Variants in YES1 observed in about 807,000 individuals in gnomAD.
YES1 encodes tyrosine-protein kinase Yes.
Under a neutral mutation model 70.4 loss-of-function variants are expected in YES1, and 39 were observed. The ratio of observed to expected loss-of-function variants is 0.55; its 90% CI spans 0.43 to 0.72. The LOEUF (loss-of-function observed/expected upper bound fraction) is 0.72, where lower values mean the gene tolerates loss of function less well. YES1 is among the 30% of genes least tolerant of loss of function. The pLI is 0.00. For synonymous variants in YES1, 198 were observed against 218.6 expected, an observed-to-expected ratio of 0.91 and a Z score of 0.83; for missense variants, 495 against 644.8, an observed-to-expected ratio of 0.77 and a Z score of 2.52.
chr18:779,765 CA>C (rs1285680566), intron 1 of YES1, among the ~76,000 whole-genome samples: 7 of 152,182 alleles, frequency 4.6e-5, no homozygotes, highest in Non-Finnish European at 8.8e-5. Flanking sequence ...TTTTGACCAG[CA>C]AATTACAGTA....
chr18:790,627 G>GA (rs1408789215), intron 1 of YES1, among the ~76,000 whole-genome samples: 1 of 152,138 alleles, frequency 6.6e-6, no homozygotes, highest in African/African-American at 2.4e-5. Flanking sequence ...GATTTGAAAA[G>GA]AAAGTGATAA....
intron 1 of YES1, among the ~76,000 whole-genome samples, chr18:786,744 G>C (rs901072876): frequency 6.6e-6 from 1 of 152,112 alleles, no homozygotes; most frequent in African/African-American, 2.4e-5. Context: ...TGCACATCAA[G>C]TTTTTATATG....
intron 6 of YES1, among the ~76,000 whole-genome samples, chr18:744,394 C>CTTT (rs397723072): frequency 1.4e-5 from 2 of 143,370 alleles, no homozygotes; most frequent in East Asian, 2.0e-4. Flanking sequence ...GAGATTTTTT[C>CTTT]TTTTTTTTTT....
chr18:803,752 C>A (rs888026985), intron 1 of YES1, among the ~76,000 whole-genome samples: 1 of 152,158 alleles, frequency 6.6e-6, no homozygotes, highest in African/African-American at 2.4e-5. Context: ...TACAGGTTCA[C>A]CCACCTCATA....
rs137948751 is a variant in YES1 at position 792,554 on chromosome 18, T to TCTCC, written c.-9+19559_-9+19560insGGAG. ...CTCTCTCTCTCTCTCTCTCTCTCTCTCCCTCTGTATATGTGTGTGTGTGTG... is the reference window on the plus strand; with the variant it reads ...CTCTCTCTCTCTCTCTCTCTCTCTCTCTCCCCCTCTGTATATGTGTGTGTGTGTG... On this transcript the variant is annotated intron_variant, in intron 1 of 11. Transcript: ENST00000314574. Among the ~76,000 whole-genome samples, 715 of 126,990 alleles carry TCTCC rather than the reference T, an allele frequency of 5.6e-3. 6 individuals are homozygous for TCTCC. The highest frequency in any genetic ancestry group is 0.012 in the South Asian group (48 of 4,096). The allele number at this position is 126,990 out of a possible 152,430, so 83.3% of individuals were successfully genotyped here. A position where few individuals can be genotyped will look rare whatever the true frequency, so the allele number is the denominator to read the frequency against.
At chr18:733,927 T>C (rs1361666365) in intron 10 of YES1, among the ~76,000 whole-genome samples, 1 of 152,160 alleles carries the variant, frequency 6.6e-6, no homozygotes, top group Non-Finnish European at 1.5e-5. Context: ...GTTCTTTAGA[T>C]ATTTAGACAA....
intron 2 of YES1, among the ~76,000 whole-genome samples, chr18:752,431 C>A (rs1397258118): frequency 6.6e-6 from 1 of 152,064 alleles, no homozygotes; most frequent in Non-Finnish European, 1.5e-5. Flanking sequence ...TTTTGACTCA[C>A]TGTAGCAACA....
chr18:745,242 T>C (rs2080265677), intron 6 of YES1, among the ~76,000 whole-genome samples: 1 of 152,298 alleles, frequency 6.6e-6, no homozygotes, highest in Non-Finnish European at 1.5e-5. Context: ...CTATAATTGC[T>C]ATAGGTTAAT....
intron 2 of YES1, among the ~76,000 whole-genome samples, chr18:754,311 T>C (rs2080378619): frequency 6.6e-6 from 1 of 152,174 alleles, no homozygotes; most frequent in South Asian, 2.1e-4. Flanking sequence ...ACTCAAAACT[T>C]CCAAGTCTCT....
intron 4 of YES1, 127 bp downstream of exon 4, chr18:747,787 CTATTAA>C: frequency 1.4e-6 from 1 of 708,928 alleles, no homozygotes; most frequent in Admixed American, 2.7e-5. Context: ...TAAGTAACAT[CTATTAA>C]TATGATACAT....
intron 11 of YES1, 125 bp downstream of exon 11, chr18:732,709 A>G (rs2080106787): frequency 8.0e-7 from 1 of 1,244,160 alleles, no homozygotes; most frequent in Non-Finnish European, 1.1e-6. Context: ...AGGAGTGGGG[A>G]GAGGGAGAGG....
intron 9 of YES1, 176 bp from the exon 10 acceptor site, chr18:737,137 G>T: frequency 1.7e-6 from 1 of 583,180 alleles, no homozygotes; most frequent in Non-Finnish European, 2.8e-6. Flanking sequence ...TAATAAAAAT[G>T]CAGGCTAAAT....
At chr18:770,499 G>A (rs1176935385) in intron 1 of YES1, among the ~76,000 whole-genome samples, 2 of 152,046 alleles carry the variant, frequency 1.3e-5, no homozygotes, top group African/African-American at 2.4e-5. Flanking sequence ...AGACTTCTAT[G>A]GATAGCATTA....
At chr18:742,305 A>G (rs1399544049) in intron 8 of YES1, among the ~76,000 whole-genome samples, 1 of 152,026 alleles carries the variant, frequency 6.6e-6, no homozygotes, top group African/African-American at 2.4e-5. Flanking sequence ...AGTTAAGGAA[A>G]ATGAAGAAAC....
intron 11 of YES1, among the ~76,000 whole-genome samples, chr18:731,652 C>G (rs986271914): frequency 2.0e-5 from 3 of 152,126 alleles, no homozygotes; most frequent in Non-Finnish European, 4.4e-5. Context: ...ATTTCTCCTT[C>G]CCCCTAGAAA....
chr18:739,209 G>A (rs558658983), intron 9 of YES1: 61 of 152,274 alleles, frequency 4.0e-4, no homozygotes, highest in African/African-American at 1.4e-3. Context: ...TACTCGTTCT[G>A]TTACTAACAA....
At chr18:727,617 CATT>C (rs1205699363) in intron 11 of YES1, among the ~76,000 whole-genome samples, 26 of 152,040 alleles carry the variant, frequency 1.7e-4, no homozygotes, top group African/African-American at 5.1e-4. Context: ...TAGTAGTTAT[CATT>C]GAGACTACAA....
Position 736,944 on chromosome 18 carries a change from T to C in YES1, c.1155A>G (p.Ala385=), listed in dbSNP as rs770042876. ...DMAAQIADGM[A]YIERMNYIHR... is the part of the protein sequence containing the mutation. ...GAATATAGTTCATTCTTTCAATATA[T>C]GCCATACCATCAGCAATCTTGGAAA... is the stretch of plus-strand genomic sequence containing the variant. Residue 385 remains alanine, a synonymous_variant, in exon 10 of 12, where the codon GCA becomes GCG. Transcript: ENST00000314574. 1.2e-6 allele frequency: 2 copies of C among 1,607,676 alleles called. No homozygotes were observed. The highest frequency in any genetic ancestry group is 2.2e-5 in the East Asian group (1 of 44,834).
intron 1 of YES1, among the ~76,000 whole-genome samples, chr18:781,976 A>G (rs1905694799): frequency 1.3e-5 from 2 of 152,200 alleles, no homozygotes; most frequent in Admixed American, 1.3e-4. Context: ...ATTCAGGGTC[A>G]TAAGAGAAAC....
Sources: gnomAD v4.1 joint callset for allele counts (sites outside exome capture counted in the v4.1 genomes callset) on GRCh38, gnomAD v4.1.1 for gene constraint, MANE v1.5 for transcripts, NCBI Gene and HGNC (gene_info 2026-07-23, HGNC 2026-07-21) for gene names.